The following MUC5B variants were observed in gnomAD, a reference collection of about 807,000 sequenced individuals.
MUC5B encodes the protein mucin-5B.
A neutral mutation model predicts 376.9 loss-of-function variants in MUC5B; 116 were observed. That is an observed-to-expected ratio of 0.31 (90% CI 0.26 to 0.36). The LOEUF (loss-of-function observed/expected upper bound fraction) is 0.36. Among genes scored for constraint, MUC5B ranks in the 10% least tolerant of loss-of-function variants. The probability of loss-of-function intolerance (pLI) is 1.00; values close to 1 mark genes in which losing one functional copy is unlikely to be tolerated. For missense variants in MUC5B, 7,165 were observed against 7,769.9 expected (o/e 0.92, Z 2.93); for synonymous variants, 3,517 against 3,390.9 (o/e 1.04, Z -1.29).
At chr11:1,231,397 C>T (rs368098674) in intron 13 of MUC5B, 26 bp from the exon 14 acceptor site, 67 of 1,594,404 alleles carry the variant, frequency 4.2e-5, no homozygotes, top group Non-Finnish European at 5.6e-5. Context: ...CACCCCTGAC[C>T]GGCCTCTCCC....
rs2037089 is a variant in MUC5B at position 1,241,677 on chromosome 11, T to C, written c.4797T>C (p.Ser1599=). Reference sequence around the variant, plus strand: ...ACAGGATCCGGGTCCTCTGCTGCAGTGACGACCACTGCAGGGGACGTGCCA... The same window carrying C: ...ACAGGATCCGGGTCCTCTGCTGCAGCGACGACCACTGCAGGGGACGTGCCA... ...YNYRIRVLCC[S]DDHCRGRATT... Residue 1599 remains serine, a synonymous_variant, in exon 31 of 49, where the codon AGT becomes AGC. Coordinates refer to ENST00000529681, the MANE Select transcript of MUC5B (RefSeq NM_002458.3). 328,205 of 1,611,266 alleles carry C rather than the reference T, an allele frequency of 0.2. 34,919 individuals are homozygous for C. Among genetic ancestry groups the C allele is most frequent in the Admixed American group, 0.29 (17,512 of 59,658 alleles).
In MUC5B at chr11:1,235,288, C is replaced by T; in HGVS notation, c.2770-15C>T. ...CTCCAGCCCGCGGCCAGCAGCTTGTCTCTTTCTGGCCCAGGACTACTGTGG... is the reference window on the plus strand; with the variant it reads ...CTCCAGCCCGCGGCCAGCAGCTTGTTTCTTTCTGGCCCAGGACTACTGTGG... On this transcript the variant is annotated splice_polypyrimidine_tract_variant and intron_variant, in intron 22 of 48. Coordinates refer to ENST00000529681, the MANE Select transcript of MUC5B (RefSeq NM_002458.3). 6.2e-7 allele frequency: 1 copy of T among 1,611,194 alleles called. No individual in the cohort carries two copies. The highest frequency in any genetic ancestry group is 8.5e-7 in the Non-Finnish European group (1 of 1,178,194).
At chr11:1,252,051 T>C (rs1322654258) in intron 31 of MUC5B, among the ~76,000 whole-genome samples, 1 of 150,796 alleles carries the variant, frequency 6.6e-6, no homozygotes, top group Non-Finnish European at 1.5e-5. Flanking sequence ...CCACACTGGG[T>C]CTCCTCTGGC....
chr11:1,227,265 G>A (rs1290910009), intron 5 of MUC5B, 43 bp from the exon 6 acceptor site: 9 of 1,578,326 alleles, frequency 5.7e-6, no homozygotes, highest in Admixed American at 1.7e-5. Context: ...CCAGTGTGGG[G>A]ATCAGAGGTC....
Position 1,250,472 on chromosome 11 carries a change from G to A in MUC5B, c.13592G>A (p.Gly4531Asp). ...SFTAIPSSSLGTTWTRLSQTT... is the reference protein window; with the variant it reads ...SFTAIPSSSLDTTWTRLSQTT... ...ACAGCCATCCCCTCCTCCTCCCTGGGCACCACCTGGACCCGCCTATCACAG... is the reference window on the plus strand; with the variant it reads ...ACAGCCATCCCCTCCTCCTCCCTGGACACCACCTGGACCCGCCTATCACAG... Residue 4531 changes from glycine to aspartate, a missense_variant, in exon 31 of 49, where the codon GGC (glycine) becomes GAC (aspartate). By Grantham distance (94) the Gly-to-Asp change is moderately conservative. This residue lies in a region of MUC5B where 431 missense variants were observed against 390.4 expected (regional missense o/e 1.10). Transcript: ENST00000529681. The A allele has an allele frequency of 1.9e-6, 3 of 1,593,648 alleles. No homozygotes were observed. Among genetic ancestry groups the A allele is most frequent in the Non-Finnish European group, 2.6e-6 (3 of 1,164,390 alleles).
chr11:1,249,649 G>T lies in MUC5B; in HGVS notation c.12769G>T (p.Ala4257Ser). The change falls in exon 31 of 49, where the codon GCC (alanine) becomes TCC (serine). Residue 4257 changes from alanine (A) to serine (S), a missense_variant. By Grantham distance (99) the Ala-to-Ser change is moderately conservative (BLOSUM62 1). This residue lies in a region of MUC5B where 431 missense variants were observed against 390.4 expected (regional missense o/e 1.10). Coordinates refer to ENST00000529681, the MANE Select transcript of MUC5B (RefSeq NM_002458.3). ...GATCCTCACAGAGCTGACCACAACA[G>T]CCACTACGACTGCATCCACTGGATC... The part of the protein sequence containing the change: ...TWILTELTTT[A>S]TTTASTGSTA... 1 of 1,611,376 alleles carries T rather than the reference G, an allele frequency of 6.2e-7. No individual in the cohort carries two copies. Among genetic ancestry groups the T allele is most frequent in the Non-Finnish European group, 8.5e-7 (1 of 1,178,518 alleles).
intron 22 of MUC5B, 21 bp downstream of exon 22, chr11:1,235,244 C>G (rs1479766319): frequency 6.2e-7 from 1 of 1,611,518 alleles, no homozygotes; most frequent in East Asian, 2.2e-5. Flanking sequence ...CCCTCGCCCA[C>G]TCCTGCAGGC....
chr11:1,226,781 A>G lies in MUC5B; in HGVS notation c.366A>G (p.Leu122=), dbSNP rs1381372758. ...TCAACGTCCAGCTACGCCGAGGCCT[A>G]GTGGGCTCCAGGCCTGTGGTCACCC... is the stretch of plus-strand genomic sequence containing the variant. ...EDFNVQLRRG[L]VGSRPVVTRV... The change falls in exon 4 of 49, where the codon CTA becomes CTG. Residue 122 remains leucine (L), a synonymous_variant. Transcript: ENST00000529681. The G allele has an allele frequency of 1.2e-6, 2 of 1,612,298 alleles. No individual in the cohort carries two copies. Among genetic ancestry groups the G allele is most frequent in the African/African-American group, 1.3e-5 (1 of 74,928 alleles).
Position 1,241,507 on chromosome 11 carries a change from C to G in MUC5B, c.4627C>G (p.Gln1543Glu), listed in dbSNP as rs763955261. ...GGCCGCTGGAGGGCACTTATGCCAG[C>G]AGCCTAAGGACATAGAGTGCCAGGC... ...IRAAGGHLCQ[Q>E]PKDIECQAES... Residue 1543 changes from glutamine to glutamate, a missense_variant, in exon 31 of 49, where the codon CAG becomes GAG. Physicochemically the swap from Gln to Glu is conservative, Grantham distance 29 (BLOSUM62 2). Around this residue, in one of 31 missense-constraint regions of MUC5B, gnomAD observed 517 missense variants for 545.3 expected, o/e 0.95. Coordinates refer to ENST00000529681, the MANE Select transcript of MUC5B (RefSeq NM_002458.3). 8.7e-6 allele frequency: 14 copies of G among 1,613,548 alleles called. No individual in the cohort carries two copies. Among genetic ancestry groups the G allele is most frequent in the Middle Eastern group, 3.3e-4 (2 of 6,062 alleles).
intron 32 of MUC5B, 104 bp downstream of exon 32, chr11:1,252,628 G>A (rs1011689690): frequency 1.4e-5 from 19 of 1,380,010 alleles, no homozygotes; most frequent in South Asian, 5.9e-5. Context: ...CAGTGACCCC[G>A]CCGCCAGTAT....
Position 1,247,279 on chromosome 11 carries a change from G to C in MUC5B, c.10399G>C (p.Val3467Leu), listed in dbSNP as rs554208860. The C allele has an allele frequency of 6.2e-7, 1 of 1,611,816 alleles. No individual in the cohort carries two copies. Among genetic ancestry groups the C allele is most frequent in the Non-Finnish European group, 8.5e-7 (1 of 1,179,520 alleles). The change falls in exon 31 of 49, where the codon GTG becomes CTG. Residue 3467 changes from valine (V) to leucine (L), a missense_variant. Coordinates refer to ENST00000529681, the MANE Select transcript of MUC5B (RefSeq NM_002458.3). ...RSLPPSSPHT[V>L]RTAWTSATSG... ...CCTGCCCCCCAGCAGTCCCCACACGGTGCGCACAGCCTGGACTTCGGCCAC... is the reference window on the plus strand; with the variant it reads ...CCTGCCCCCCAGCAGTCCCCACACGCTGCGCACAGCCTGGACTTCGGCCAC...
chr11:1,224,311 A>T (rs1280708657), intron 1 of MUC5B, among the ~76,000 whole-genome samples: 2 of 152,088 alleles, frequency 1.3e-5, no homozygotes, highest in African/African-American at 4.8e-5. Flanking sequence ...TGCACAGAGC[A>T]GCTTCATGTT....
chr11:1,242,367 G>T lies in MUC5B; in HGVS notation c.5487G>T (p.Glu1829Asp). Residue 1829 changes from glutamate to aspartate, a missense_variant, in exon 31 of 49, where the codon GAG becomes GAT. Glu to Asp is a conservative substitution (Grantham distance 45, BLOSUM62 2). Transcript: ENST00000529681. The stretch of plus-strand genomic sequence containing the variant: ...TGTGCTGGGCACCAAAGAGCATAGA[G>T]TGCCGGGCGGAGAACTACCCCGAGG... ...GKMCWAPKSIECRAENYPEVS... is the reference protein window; with the variant it reads ...GKMCWAPKSIDCRAENYPEVS... 1.2e-6 allele frequency: 2 copies of T among 1,613,898 alleles called. No individual in the cohort carries two copies.
rs1398694731 is a variant in MUC5B, at chr11:1,249,615, G to A, written c.12735G>A (p.Gly4245=). ...CGGCCATGCCCTCCTCCACTCCGGG[G>A]ACGACCTGGATCCTCACAGAGCTGA... ...SSTAMPSSTP[G]TTWILTELTT... Residue 4245 remains glycine (G), a synonymous_variant, in exon 31 of 49, where the codon GGG becomes GGA. Transcript: ENST00000529681. 1 of 1,611,806 alleles carries A rather than the reference G, an allele frequency of 6.2e-7. No individual in the cohort carries two copies. The highest frequency in any genetic ancestry group is 1.7e-5 in the Admixed American group (1 of 59,974).
In MUC5B at chr11:1,251,140, C is replaced by G; in HGVS notation, c.14260C>G (p.Pro4754Ala). Residue 4754 changes from proline (P) to alanine (A), a missense_variant, in exon 31 of 49, where the codon CCC becomes GCC. Transcript: ENST00000529681. ...KSTATSFTPIPSSTLWTTWTV... is the reference protein window; with the variant it reads ...KSTATSFTPIASSTLWTTWTV... ...CACAGCTACCAGCTTTACACCCATC[C>G]CCTCCTCCACCCTGTGGACCACGTG... The G allele has an allele frequency of 6.2e-7, 1 of 1,611,424 alleles. No homozygotes were observed. The highest frequency in any genetic ancestry group is 8.5e-7 in the Non-Finnish European group (1 of 1,178,298).
rs1590179398 is a variant in MUC5B, at chr11:1,243,707, C to A, written c.6827C>A (p.Thr2276Asn). ...PSPGTTTPGH[T>N]TATSRTTATA... is the part of the protein sequence containing the mutation. ...CCAGGGACGACCACCCCGGGCCACA[C>A]CACGGCCACCTCCAGGACCACAGCC... Residue 2276 changes from threonine to asparagine, a missense_variant, in exon 31 of 49, where the codon ACC becomes AAC. By Grantham distance (65) the Thr-to-Asn change is moderately conservative. Around this residue, in one of 31 missense-constraint regions of MUC5B, gnomAD observed 79 missense variants for 63.0 expected, o/e 1.25. Coordinates refer to ENST00000529681, the MANE Select transcript of MUC5B (RefSeq NM_002458.3). The A allele has an allele frequency of 3.1e-6, 5 of 1,611,742 alleles. No homozygotes were observed. The East Asian group carries it at 1.1e-4, about 36-fold the overall frequency.
chr11:1,234,307 T>C lies in MUC5B; in HGVS notation c.2478+2T>C. The C allele has an allele frequency of 6.3e-7, 1 of 1,599,008 alleles. No homozygotes were observed. The highest frequency in any genetic ancestry group is 8.5e-7 in the Non-Finnish European group (1 of 1,173,176). On this transcript the variant is annotated splice_donor_variant, in intron 20 of 48. Coordinates refer to ENST00000529681, the MANE Select transcript of MUC5B (RefSeq NM_002458.3). LOFTEE classifies it high-confidence loss of function. This position sits in a 1 kb window ranked among gnomAD's most constrained non-coding sequence, Gnocchi z 6.3. ...TGCCACACGCTGGACGTGGGCTGTG[T>C]GAGTTCCATGCTTCAGGGAGGGGTG...
In MUC5B at chr11:1,234,968, A is replaced by G. The variant is rs1178888097; in HGVS notation, c.2631-117A>G. ...CCACTTCTTCCACGGAGGAGGGGTC[A>G]GGCTGGGCCTGGGGAGGCTGAGGCC... On this transcript the variant is annotated intron_variant, in intron 21 of 48. Coordinates refer to ENST00000529681, the MANE Select transcript of MUC5B (RefSeq NM_002458.3). This position sits in a 1 kb window ranked among gnomAD's most constrained non-coding sequence, Gnocchi z 6.3. 8 of 1,370,252 alleles carry G rather than the reference A, an allele frequency of 5.8e-6. No homozygotes were observed. Among genetic ancestry groups the G allele is most frequent in the African/African-American group, 1.5e-5 (1 of 68,654 alleles). 84.9% of individuals were successfully genotyped at this position (1,370,252 alleles called of 1,614,324 possible).
In MUC5B at chr11:1,250,569, A is replaced by T; in HGVS notation, c.13689A>T (p.Thr4563=). 6.2e-7 allele frequency: 1 copy of T among 1,613,072 alleles called. No individual in the cohort carries two copies. The highest frequency in any genetic ancestry group is 8.5e-7 in the Non-Finnish European group (1 of 1,179,580). Residue 4563 remains threonine, a synonymous_variant, in exon 31 of 49, where the codon ACA becomes ACT. Coordinates refer to ENST00000529681, the MANE Select transcript of MUC5B (RefSeq NM_002458.3). ...SSTPETVHTS[T]VLTATATTTG... ...CTCCAGAGACTGTCCACACCTCCAC[A>T]GTGCTTACCGCCACGGCCACCACAA...
Sources: gnomAD v4.1 joint callset for allele counts (sites outside exome capture counted in the v4.1 genomes callset) on GRCh38, gnomAD v4.1.1 for gene constraint, gnomAD v4.1.1 regional missense constraint, Gnocchi (gnomAD v3.1) non-coding constraint, MANE v1.5 for transcripts, NCBI Gene and HGNC (gene_info 2026-07-23, HGNC 2026-07-21) for gene names.